The following GPM6A variants were observed in gnomAD, a reference collection of about 807,000 sequenced individuals.
GPM6A encodes the protein neuronal membrane glycoprotein M6-a.
Under a neutral mutation model 32.1 loss-of-function variants are expected in GPM6A, and 7 were observed. That is an observed-to-expected ratio of 0.22 (90% CI 0.12 to 0.41). GPM6A has a LOEUF of 0.41. GPM6A is among the 10% of genes least tolerant of loss of function. GPM6A has a pLI of 1.00. For synonymous variants in GPM6A, 130 were observed against 123.4 expected, an observed-to-expected ratio of 1.05 and a Z score of -0.35; for missense variants, 235 against 347.2, an observed-to-expected ratio of 0.68 and a Z score of 2.57.
At chr4:175,989,027 A>G (rs1007988784) in intron 1 of GPM6A, among the ~76,000 whole-genome samples, 1 of 152,176 alleles carries the variant, frequency 6.6e-6, no homozygotes, top group Non-Finnish European at 1.5e-5. Flanking sequence ...CTTTGGAGGA[A>G]TTGGAAGATC....
intron 1 of GPM6A, among the ~76,000 whole-genome samples, chr4:175,918,572 T>C (rs1466833748): frequency 6.6e-6 from 1 of 152,150 alleles, no homozygotes; most frequent in Non-Finnish European, 1.5e-5. Context: ...CATTTTCCTG[T>C]GGAAGACAGT....
chr4:175,894,722 G>A (rs1017216177), intron 1 of GPM6A, among the ~76,000 whole-genome samples: 1 of 151,974 alleles, frequency 6.6e-6, no homozygotes, highest in Non-Finnish European at 1.5e-5. Context: ...TGTCAAAAGG[G>A]GAGTGGCTAA....
At chr4:175,882,768 T>G (rs1391054883) in intron 1 of GPM6A, among the ~76,000 whole-genome samples, 3 of 152,018 alleles carry the variant, frequency 2.0e-5, no homozygotes, top group African/African-American at 7.2e-5. Flanking sequence ...AAAAATATTT[T>G]GATAAAAGGT....
At chr4:175,824,360 G>A (rs1005315720) in intron 1 of GPM6A, among the ~76,000 whole-genome samples, 3 of 152,148 alleles carry the variant, frequency 2.0e-5, no homozygotes, top group African/African-American at 4.8e-5. Flanking sequence ...GGTTTTCAGC[G>A]ATGTGCTCAA....
At chr4:175,811,442 G>A (rs1395989767) in intron 1 of GPM6A, among the ~76,000 whole-genome samples, 1 of 152,138 alleles carries the variant, frequency 6.6e-6, no homozygotes, top group South Asian at 2.1e-4. Flanking sequence ...AACAATTCTC[G>A]AGTTGATTGA....
At chr4:175,824,532 C>T (rs1039808876) in intron 1 of GPM6A, among the ~76,000 whole-genome samples, 1 of 152,102 alleles carries the variant, frequency 6.6e-6, no homozygotes, top group Non-Finnish European at 1.5e-5. Flanking sequence ...AGATATCATA[C>T]ATTTTTTATT....
intron 1 of GPM6A, among the ~76,000 whole-genome samples, chr4:175,989,102 C>CT (rs1249380782): frequency 6.6e-6 from 1 of 152,056 alleles, no homozygotes; most frequent in Non-Finnish European, 1.5e-5. Context: ...AAAAATTCAT[C>CT]TGCACATAGC....
rs566125221 is a variant in GPM6A at position 175,730,534 on chromosome 4, G to A, written c.38-28767C>T. On this transcript the variant is annotated intron_variant, in intron 1 of 6. Transcript: ENST00000393658. ...CGCCCAGGCTGGAGTGCAGTGGCGCGATCTCGGCTCACTGCAAGCTCCGCC... is the reference window on the plus strand; with the variant it reads ...CGCCCAGGCTGGAGTGCAGTGGCGCAATCTCGGCTCACTGCAAGCTCCGCC... 1.4e-4 allele frequency among the ~76,000 whole-genome samples: 21 copies of A among 151,146 alleles called. No homozygotes were observed. In the South Asian group the frequency reaches 3.6e-3, roughly 26 times the overall value.
chr4:175,856,399 C>T (rs1275844438), intron 1 of GPM6A, among the ~76,000 whole-genome samples: 1 of 152,188 alleles, frequency 6.6e-6, no homozygotes, highest in African/African-American at 2.4e-5. Flanking sequence ...GGAGCCATGG[C>T]AAGTGCTTTT....
chr4:175,857,175 T>C (rs944671839), intron 1 of GPM6A, among the ~76,000 whole-genome samples: 1 of 152,164 alleles, frequency 6.6e-6, no homozygotes. Flanking sequence ...ATAAATATTT[T>C]AAAATGTAAT....
intron 1 of GPM6A, among the ~76,000 whole-genome samples, chr4:175,792,197 C>T (rs925765229): frequency 3.9e-4 from 59 of 151,984 alleles, no homozygotes; most frequent in Admixed American, 3.3e-3. Context: ...ATGTTTAATC[C>T]CTCTGTTTAC....
At chr4:175,639,564 G>C (rs1408486634) in intron 6 of GPM6A, among the ~76,000 whole-genome samples, 1 of 152,134 alleles carries the variant, frequency 6.6e-6, no homozygotes, top group Non-Finnish European at 1.5e-5. Flanking sequence ...TGGAACTCAT[G>C]CCAAGTTAGA....
chr4:175,998,016 T>C (rs769823437), intron 1 of GPM6A, among the ~76,000 whole-genome samples: 14 of 152,228 alleles, frequency 9.2e-5, no homozygotes, highest in Non-Finnish European at 1.6e-4. Flanking sequence ...ATTCATTTCA[T>C]GGGTTTTCCT....
chr4:175,927,763 T>TA (rs1738893216), intron 1 of GPM6A, among the ~76,000 whole-genome samples: 1 of 152,136 alleles, frequency 6.6e-6, no homozygotes, highest in Non-Finnish European at 1.5e-5. Context: ...TGCACGCCTG[T>TA]AATCCCAGCT....
intron 1 of GPM6A, among the ~76,000 whole-genome samples, chr4:175,744,110 G>T (rs988604628): frequency 6.6e-6 from 1 of 151,998 alleles, no homozygotes; most frequent in Non-Finnish European, 1.5e-5. Flanking sequence ...TACCAAAATA[G>T]GCCGTAGAGT....
chr4:175,834,820 T>G (rs1735715738), intron 1 of GPM6A, among the ~76,000 whole-genome samples: 2 of 152,190 alleles, frequency 1.3e-5, no homozygotes, highest in Non-Finnish European at 2.9e-5. Flanking sequence ...GCATCTGATA[T>G]CTCTCCCAAA....
At chr4:175,917,173 T>C (rs1388564769) in intron 1 of GPM6A, among the ~76,000 whole-genome samples, 1 of 151,884 alleles carries the variant, frequency 6.6e-6, no homozygotes, top group Non-Finnish European at 1.5e-5. Flanking sequence ...CGGGTGGGGG[T>C]AGCAAGAAGG....
chr4:175,904,802 C>T (rs770266361), intron 1 of GPM6A, among the ~76,000 whole-genome samples: 1 of 152,096 alleles, frequency 6.6e-6, no homozygotes, highest in African/African-American at 2.4e-5. Flanking sequence ...TCCTGAATTA[C>T]TCATGTAAGA....
intron 1 of GPM6A, among the ~76,000 whole-genome samples, chr4:175,709,421 A>G (rs1402217279): frequency 2.1e-5 from 3 of 146,178 alleles, no homozygotes; most frequent in Non-Finnish European, 4.5e-5. Flanking sequence ...TATGTTTTAC[A>G]CTCTTTGTTT....
Sources: gnomAD v4.1 joint callset for allele counts (sites outside exome capture counted in the v4.1 genomes callset) on GRCh38, gnomAD v4.1.1 for gene constraint, MANE v1.5 for transcripts, NCBI Gene and HGNC (gene_info 2026-07-23, HGNC 2026-07-21) for gene names.